The following DLX5 variants were observed in gnomAD, a reference collection of about 807,000 sequenced individuals.
The protein encoded by DLX5 is homeobox protein DLX-5.
DLX5 carries 8 observed loss-of-function variants against 27.1 expected under a neutral mutation model. That is an observed-to-expected ratio of 0.30 (90% confidence interval 0.17 to 0.53). The LOEUF is 0.53. Among genes scored for constraint, DLX5 ranks in the 20% least tolerant of loss-of-function variants. DLX5 has a pLI of 0.95. For missense variants in DLX5, 339 were observed against 375.1 expected (o/e 0.90, Z 0.80); for synonymous variants, 178 against 161.9 (o/e 1.10, Z -0.75).
intron 2 of DLX5, among the ~76,000 whole-genome samples, chr7:97,021,667 C>A (rs547453114): frequency 1.3e-5 from 2 of 152,300 alleles, no homozygotes; most frequent in African/African-American, 4.8e-5. Context: ...AGACTTCTCA[C>A]GTACAATAGC....
Sources: gnomAD v4.1 joint callset for allele counts (sites outside exome capture counted in the v4.1 genomes callset) on GRCh38, gnomAD v4.1.1 for gene constraint, MANE v1.5 for transcripts, NCBI Gene and HGNC (gene_info 2026-07-23, HGNC 2026-07-21) for gene names.